The following C1orf52 variants were observed in gnomAD, a reference collection of about 807,000 sequenced individuals.
The protein encoded by C1orf52 is chromosome 1 open reading frame 52, also known as UPF0690 protein C1orf52.
Under a neutral mutation model 17.2 loss-of-function variants are expected in C1orf52, and 5 were observed. The ratio of observed to expected loss-of-function variants is 0.29; its 90% CI spans 0.15 to 0.61. C1orf52 has a LOEUF of 0.61. C1orf52 is among the 20% of genes least tolerant of loss of function. C1orf52 has a pLI of 0.85. For synonymous variants in C1orf52, 110 were observed against 88.0 expected (o/e 1.25, Z -1.40); for missense variants, 245 against 234.1 (o/e 1.05, Z -0.30).
At chr1:85,255,050 T>C (rs1274806126) in intron 2 of C1orf52, among the ~76,000 whole-genome samples, 2 of 152,226 alleles carry the variant, frequency 1.3e-5, no homozygotes, top group African/African-American at 2.4e-5. Flanking sequence ...TCATATAGTA[T>C]AGATGTACTG....
At chr1:85,252,847 T>A in intron 2 of C1orf52, 145 bp from the exon 3 acceptor site, 1 of 627,634 alleles carries the variant, frequency 1.6e-6, no homozygotes, top group Non-Finnish European at 2.7e-6. Flanking sequence ...AAACAAGAAT[T>A]AACTTTTAGA....
chr1:85,258,712 T>A lies in C1orf52; in HGVS notation c.287A>T (p.Glu96Val). ...ATAATTTGACTTCCATATTTTGAAT[T>A]CCTTTGGAGGCTGTTAAGCAAGCAC... is the stretch of plus-strand genomic sequence containing the variant. ...VVKAPEEPPK[E>V]FKIWKSNYVP... Residue 96 changes from glutamate to valine, a missense_variant, in exon 2 of 3, where the codon GAA becomes GTA. Transcript: ENST00000471115. 1 of 1,608,314 alleles carries A rather than the reference T, an allele frequency of 6.2e-7. No homozygotes were observed.
chr1:85,256,973 C>T (rs770216571), intron 2 of C1orf52, among the ~76,000 whole-genome samples: 4 of 152,020 alleles, frequency 2.6e-5, no homozygotes, highest in Admixed American at 6.6e-5. Flanking sequence ...TAGGTAGAAT[C>T]AAAATTAAAG....
chr1:85,256,117 G>C (rs988128093), intron 2 of C1orf52, among the ~76,000 whole-genome samples: 1 of 152,138 alleles, frequency 6.6e-6, no homozygotes, highest in Non-Finnish European at 1.5e-5. Flanking sequence ...CCCTACAGAA[G>C]AATAGCTATA....
intron 2 of C1orf52, among the ~76,000 whole-genome samples, chr1:85,254,548 C>T (rs1166820730): frequency 1.3e-5 from 2 of 152,130 alleles, no homozygotes; most frequent in African/African-American, 2.4e-5. Flanking sequence ...CCTGCCATCA[C>T]ACCCAGCTAA....
intron 1 of C1orf52, 102 bp from the exon 2 acceptor site, chr1:85,258,824 C>G (rs937321296): frequency 2.1e-5 from 29 of 1,394,832 alleles, no homozygotes; most frequent in Non-Finnish European, 2.5e-5. Flanking sequence ...TTCAGGCTGA[C>G]TTTTTTTTTC....
Position 85,258,586 on chromosome 1 carries a change from TCATCAC to T in C1orf52, c.407_412del (p.Gly136_Asp137del), listed in dbSNP as rs751651128. ...AGCTTTCTTAGCATTCTGTGGAGCATCATCACCATTGTCCTCATATATGTTAGACCA... is the reference window on the plus strand; with the variant it reads ...AGCTTTCTTAGCATTCTGTGGAGCATCATTGTCCTCATATATGTTAGACCA... On this transcript the variant is annotated inframe_deletion, in exon 2 of 3. Transcript: ENST00000471115. 1 of 1,614,228 alleles carries T rather than the reference TCATCAC, an allele frequency of 6.2e-7. No individual in the cohort carries two copies. The highest frequency in any genetic ancestry group is 8.5e-7 in the Non-Finnish European group (1 of 1,180,040).
At chr1:85,258,076 C>T (rs1487853180) in intron 2 of C1orf52, among the ~76,000 whole-genome samples, 1 of 150,620 alleles carries the variant, frequency 6.6e-6, no homozygotes, top group Non-Finnish European at 1.5e-5. Context: ...GCTGAGATGG[C>T]GCCATTGCAC....
At chr1:85,253,530 C>G (rs1659852388) in intron 2 of C1orf52, among the ~76,000 whole-genome samples, 1 of 152,138 alleles carries the variant, frequency 6.6e-6, no homozygotes, top group Admixed American at 6.5e-5. Flanking sequence ...ATCCCCACTC[C>G]CACGATGGCC....
rs1659815135 is a variant in C1orf52, at chr1:85,252,140, A to G, written c.*489T>C. 6.5e-6 allele frequency: 1 copy of G among 152,820 alleles called. No individual in the cohort carries two copies. The highest frequency in any genetic ancestry group is 2.4e-5 in the African/African-American group (1 of 41,472). 9.5% of individuals were successfully genotyped at this position (152,820 alleles called of 1,614,324 possible). On this transcript the variant is annotated 3_prime_UTR_variant, in exon 3 of 3. Coordinates refer to ENST00000471115, the MANE Select transcript of C1orf52 (RefSeq NM_198077.4). The stretch of plus-strand genomic sequence containing the variant: ...TTACAACTTAAAATGTCACACGACA[A>G]ATAGGGTACTTGTCACAGACAAACA...
chr1:85,254,851 T>G (rs1570317592), intron 2 of C1orf52, among the ~76,000 whole-genome samples: 1 of 152,264 alleles, frequency 6.6e-6, no homozygotes, highest in Non-Finnish European at 1.5e-5. Flanking sequence ...ATTTGCCACT[T>G]ATTACAAGTA....
At position 85,259,409 on chromosome 1, in the gene C1orf52, C is replaced by T. The variant is rs771377445; in HGVS notation, c.225G>A (p.Pro75=). The T allele has an allele frequency of 3.1e-6, 5 of 1,614,038 alleles. No individual in the cohort carries two copies. The highest frequency in any genetic ancestry group is 1.1e-5 in the South Asian group (1 of 91,064). Residue 75 remains proline (P), a synonymous_variant, in exon 1 of 3, where the codon CCG becomes CCA. Transcript: ENST00000471115. Reference sequence around the variant, plus strand: ...TCTCCCAGTCTATCTGTTTGTTGAGCGGATTGTAGAGAAAGGCCGGGCGAG... The same window carrying T: ...TCTCCCAGTCTATCTGTTTGTTGAGTGGATTGTAGAGAAAGGCCGGGCGAG... ...SVTRPAFLYN[P]LNKQIDWERH...
rs575505109 is a variant in C1orf52, at chr1:85,250,495, T to C, written c.*2134A>G. ...CATCTCTAAAGGGGAAAATAATCTA[T>C]TCTCTAATGTGATGATGAATGTAGA... On this transcript the variant is annotated 3_prime_UTR_variant, in exon 3 of 3. Transcript: ENST00000471115. 2.6e-5 allele frequency: 4 copies of C among 152,352 alleles called. No homozygotes were observed. The highest frequency in any genetic ancestry group is 9.6e-5 in the African/African-American group (4 of 41,580). The allele number at this position is 152,352 out of a possible 1,614,324, so 9.4% of individuals were successfully genotyped here. A position where few individuals can be genotyped will look rare whatever the true frequency, so the allele number is the denominator to read the frequency against.
intron 2 of C1orf52, among the ~76,000 whole-genome samples, chr1:85,255,011 T>C (rs1207430324): frequency 6.6e-6 from 1 of 152,228 alleles, no homozygotes; most frequent in Non-Finnish European, 1.5e-5. Context: ...TGTTCATTTA[T>C]CAATTTTACT....
Position 85,259,499 on chromosome 1 carries a change from C to G in C1orf52, c.135G>C (p.Ala45=), listed in dbSNP as rs953565269. 1 of 1,613,778 alleles carries G rather than the reference C, an allele frequency of 6.2e-7. No individual in the cohort carries two copies. Among genetic ancestry groups the G allele is most frequent in the African/African-American group, 1.3e-5 (1 of 74,906 alleles). ...SRRTPDPAKS[A]GGCRNKAEKR... ...TCTCCGCCTTGTTCCTACAGCCGCCCGCCGACTTCGCCGGATCCGGGGTTC... is the reference window on the plus strand; with the variant it reads ...TCTCCGCCTTGTTCCTACAGCCGCCGGCCGACTTCGCCGGATCCGGGGTTC... The change falls in exon 1 of 3, where the codon GCG becomes GCC. Residue 45 remains alanine (A), a synonymous_variant. Transcript: ENST00000471115.
chr1:85,259,068 CG>C (rs576518980), intron 1 of C1orf52: 168 of 1,007,050 alleles, frequency 1.7e-4, no homozygotes, highest in East Asian at 3.7e-4. Context: ...GAAGCTGCAG[CG>C]GGGGGGGCGG....
At chr1:85,256,603 T>A (rs1659942822) in intron 2 of C1orf52, among the ~76,000 whole-genome samples, 1 of 151,896 alleles carries the variant, frequency 6.6e-6, no homozygotes, top group African/African-American at 2.4e-5. Flanking sequence ...ATCCAGACCA[T>A]CCTGGCTAAC....
intron 2 of C1orf52, among the ~76,000 whole-genome samples, chr1:85,253,553 T>C (rs1261616212): frequency 1.3e-5 from 2 of 150,494 alleles, no homozygotes; most frequent in South Asian, 2.2e-4. Flanking sequence ...AACATTTTAA[T>C]GGCAACAGAA....
intron 2 of C1orf52, among the ~76,000 whole-genome samples, chr1:85,253,534 G>A (rs1209714422): frequency 7.0e-6 from 1 of 143,778 alleles, no homozygotes; most frequent in African/African-American, 2.5e-5. Flanking sequence ...CCACTCCCAC[G>A]ATGGCCAGAA....
Sources: allele counts gnomAD v4.1 joint callset (sites outside exome capture counted in the v4.1 genomes callset), GRCh38; gene constraint gnomAD v4.1.1; transcripts MANE v1.5; gene names NCBI Gene and HGNC (gene_info 2026-07-23, HGNC 2026-07-21).